ANGPTL2: variants seen among roughly 807,000 people sequenced by gnomAD.
The protein encoded by ANGPTL2 is angiopoietin like 2.
A neutral mutation model predicts 52.8 loss-of-function variants in ANGPTL2; 25 were observed. The ratio of observed to expected loss-of-function variants is 0.47; its 90% confidence interval spans 0.35 to 0.66. ANGPTL2 has a LOEUF of 0.66. Ranked by LOEUF, ANGPTL2 falls within the 30% of genes least tolerant of loss-of-function variation. The probability of loss-of-function intolerance (pLI) is 0.01; values close to 1 mark genes in which losing one functional copy is unlikely to be tolerated. For synonymous variants in ANGPTL2, 276 were observed against 277.4 expected, an observed-to-expected ratio of 1.00 and a Z score of 0.05; for missense variants, 546 against 656.9, an observed-to-expected ratio of 0.83 and a Z score of 1.84.
intron 2 of ANGPTL2, among the ~76,000 whole-genome samples, chr9:127,095,470 A>AT (rs2053020823): frequency 6.6e-6 from 1 of 152,244 alleles, no homozygotes; most frequent in African/African-American, 2.4e-5. Flanking sequence ...AGAAAGTACC[A>AT]TTGTATGTTT....
intron 1 of ANGPTL2, among the ~76,000 whole-genome samples, chr9:127,113,649 G>A (rs115299279): frequency 0.011 from 1,681 of 152,208 alleles, 31 homozygotes; most frequent in African/African-American, 0.038. Context: ...AAATAAAAAC[G>A]ATTCTTAAAA....
rs1189202882 is a variant in ANGPTL2, at chr9:127,088,097, C to T, written c.*842G>A. On this transcript the variant is annotated 3_prime_UTR_variant, in exon 5 of 5. Transcript: ENST00000373425. Reference sequence around the variant, plus strand: ...ACAGAAAAGGCAAGGAGTAGGTAGGCGAGGAGTACAGCAGAGCGGAAAGGG... The same window carrying T: ...ACAGAAAAGGCAAGGAGTAGGTAGGTGAGGAGTACAGCAGAGCGGAAAGGG... The T allele has an allele frequency of 2.6e-4, 39 of 152,512 alleles. No homozygotes were observed. Among genetic ancestry groups the T allele is most frequent in the Admixed American group, 6.5e-5 (1 of 15,274 alleles). 9.4% of individuals were successfully genotyped at this position (152,512 alleles called of 1,614,324 possible).
At chr9:127,090,356 G>A (rs1419449302) in intron 4 of ANGPTL2, among the ~76,000 whole-genome samples, 1 of 152,264 alleles carries the variant, frequency 6.6e-6, no homozygotes, top group African/African-American at 2.4e-5. Context: ...CAGCTCTGAA[G>A]GTTATCCTTC....
At chr9:127,103,823 C>T (rs1436830847) in intron 2 of ANGPTL2, among the ~76,000 whole-genome samples, 1 of 152,242 alleles carries the variant, frequency 6.6e-6, no homozygotes, top group Non-Finnish European at 1.5e-5. Context: ...GTCCCTGTGG[C>T]AGCTGGGGCC....
intron 2 of ANGPTL2, among the ~76,000 whole-genome samples, chr9:127,104,600 G>A (rs1422324345): frequency 6.6e-6 from 1 of 152,248 alleles, no homozygotes; most frequent in Non-Finnish European, 1.5e-5. Context: ...AGCTGCCTGT[G>A]CCTCCTCACT....
rs2051881926 is a variant in ANGPTL2 at position 127,087,384 on chromosome 9, A to G, written c.*1555T>C. 1 of 152,638 alleles carries G rather than the reference A, an allele frequency of 6.6e-6. No homozygotes were observed. The highest frequency in any genetic ancestry group is 6.5e-5 in the Admixed American group (1 of 15,282). 9.5% of individuals were successfully genotyped at this position (152,638 alleles called of 1,614,324 possible). On this transcript the variant is annotated 3_prime_UTR_variant, in exon 5 of 5. Coordinates refer to ENST00000373425, the MANE Select transcript of ANGPTL2 (RefSeq NM_012098.3). ...GCTTTTATTGCAGATTCGTGTCATT[A>G]CAAGGATAATCTGGGAATATATTTT... is the stretch of plus-strand genomic sequence containing the variant.
At chr9:127,097,266 T>C (rs865785969) in intron 2 of ANGPTL2, among the ~76,000 whole-genome samples, 1 of 152,272 alleles carries the variant, frequency 6.6e-6, no homozygotes, top group South Asian at 2.1e-4. Context: ...AAGAAGTTTT[T>C]CTTTTTTTAA....
intron 1 of ANGPTL2, among the ~76,000 whole-genome samples, chr9:127,111,493 A>G (rs1005766313): frequency 1.3e-5 from 2 of 152,186 alleles, no homozygotes; most frequent in African/African-American, 2.4e-5. Flanking sequence ...ACACCTGCCA[A>G]CAGCTGCTGA....
At chr9:127,104,205 C>G (rs2054003331) in intron 2 of ANGPTL2, among the ~76,000 whole-genome samples, 2 of 152,200 alleles carry the variant, frequency 1.3e-5, no homozygotes, top group South Asian at 4.1e-4. Flanking sequence ...AAAGTGCTCA[C>G]TCCTTTTGGT....
chr9:127,100,409 C>G (rs2053600029), intron 2 of ANGPTL2, among the ~76,000 whole-genome samples: 1 of 152,202 alleles, frequency 6.6e-6, no homozygotes, highest in Admixed American at 6.5e-5. Flanking sequence ...GCACTACTTT[C>G]CAGAGGCCAC....
At chr9:127,094,955 C>T (rs2052938673) in intron 2 of ANGPTL2, among the ~76,000 whole-genome samples, 1 of 152,190 alleles carries the variant, frequency 6.6e-6, no homozygotes, top group Non-Finnish European at 1.5e-5. Context: ...GTCACATCAG[C>T]AAGAAGGTAC....
chr9:127,114,073 T>A (rs954960809), intron 1 of ANGPTL2, among the ~76,000 whole-genome samples: 1 of 152,220 alleles, frequency 6.6e-6, no homozygotes, highest in African/African-American at 2.4e-5. Context: ...TCACTATGGC[T>A]CAAGCACTTT....
At position 127,091,304 on chromosome 9, in the gene ANGPTL2, GCCTAC is replaced by G. The variant is rs1339509172; in HGVS notation, c.1282+361_1282+365del. On this transcript the variant is annotated intron_variant, in intron 4 of 4. Coordinates refer to ENST00000373425, the MANE Select transcript of ANGPTL2 (RefSeq NM_012098.3). This position sits in a 1 kb window ranked among gnomAD's most constrained non-coding sequence, Gnocchi z 4.3. ...CTGGAGCCCAGGTGTGTGGCCCAGAGCCTACGCAGTTGGTTAGCTCTATACCAGGT... is the reference window on the plus strand; with the variant it reads ...CTGGAGCCCAGGTGTGTGGCCCAGAGGCAGTTGGTTAGCTCTATACCAGGT... Among the ~76,000 whole-genome samples, 1 of 152,234 alleles carries G rather than the reference GCCTAC, an allele frequency of 6.6e-6. No individual in the cohort carries two copies. Among genetic ancestry groups the G allele is most frequent in the Non-Finnish European group, 1.5e-5 (1 of 68,044 alleles).
chr9:127,103,517 C>T (rs1192407621), intron 2 of ANGPTL2, among the ~76,000 whole-genome samples: 1 of 152,084 alleles, frequency 6.6e-6, no homozygotes, highest in Non-Finnish European at 1.5e-5. Flanking sequence ...AGAAGGAACC[C>T]CAGAGGATAT....
Position 127,091,992 on chromosome 9 carries a change from A to G in ANGPTL2, c.1012-52T>C. The G allele has an allele frequency of 6.3e-7, 1 of 1,589,704 alleles. No homozygotes were observed. The highest frequency in any genetic ancestry group is 8.6e-7 in the Non-Finnish European group (1 of 1,166,280). ...TGTGGAGCCTGCAGCACCTGCAGCCAGCAGGCTTGGCTGTCAGACACTCAG... is the reference window on the plus strand; with the variant it reads ...TGTGGAGCCTGCAGCACCTGCAGCCGGCAGGCTTGGCTGTCAGACACTCAG... On this transcript the variant is annotated intron_variant, in intron 3 of 4. Coordinates refer to ENST00000373425, the MANE Select transcript of ANGPTL2 (RefSeq NM_012098.3). This position sits in a 1 kb window ranked among gnomAD's most constrained non-coding sequence, Gnocchi z 4.3.
intron 2 of ANGPTL2, among the ~76,000 whole-genome samples, chr9:127,095,534 A>G (rs1034965458): frequency 6.6e-6 from 1 of 152,262 alleles, no homozygotes; most frequent in African/African-American, 2.4e-5. Context: ...CAGCCTCTGC[A>G]GATGCGGTGC....
chr9:127,103,802 T>C (rs2053963073), intron 2 of ANGPTL2, among the ~76,000 whole-genome samples: 1 of 152,172 alleles, frequency 6.6e-6, no homozygotes, highest in Admixed American at 6.5e-5. Context: ...GAAGTAGAGA[T>C]AGAAGGTCAG....
chr9:127,118,847 C>G (rs926842692), intron 1 of ANGPTL2, among the ~76,000 whole-genome samples: 3 of 152,208 alleles, frequency 2.0e-5, no homozygotes, highest in Admixed American at 2.0e-4. Context: ...CCTGCTTTGG[C>G]AGGGCTGCTG....
In ANGPTL2 at chr9:127,108,477, AT is replaced by A. The variant is rs1564595286; in HGVS notation, c.254del (p.His85LeufsTer5). 1 of 1,611,990 alleles carries A rather than the reference AT, an allele frequency of 6.2e-7. No individual in the cohort carries two copies. On this transcript the variant is annotated frameshift_variant, in exon 2 of 5. Transcript: ENST00000373425. LOFTEE classifies it high-confidence loss of function. ...TGTTGAGCAGCTCTAGCTCCTGCTT[AT>A]GCACTCGGTTCTCCAGAAGCACCTC... Reference protein sequence around the residue: ...EPEVLLENRVHKQELELLNNE... With the variant: ...EPEVLLENRVXKQELELLNNE...
Sources: gnomAD v4.1 joint callset for allele counts (sites outside exome capture counted in the v4.1 genomes callset) on GRCh38, gnomAD v4.1.1 for gene constraint, Gnocchi (gnomAD v3.1) non-coding constraint, MANE v1.5 for transcripts, NCBI Gene and HGNC (gene_info 2026-07-23, HGNC 2026-07-21) for gene names.